Variants in SFMBT2 observed in about 807,000 individuals in gnomAD.
SFMBT2 encodes the protein scm-like with four MBT domains protein 2.
A neutral mutation model predicts 110.1 loss-of-function variants in SFMBT2; 38 were observed. The ratio of observed to expected loss-of-function variants is 0.35; its 90% CI spans 0.27 to 0.45. The LOEUF (loss-of-function observed/expected upper bound fraction) is 0.45, where lower values mean the gene tolerates loss of function less well. SFMBT2 is among the 20% of genes least tolerant of loss of function. The pLI is 1.00. For missense variants in SFMBT2, 1,011 were observed against 1,094.9 expected, an observed-to-expected ratio of 0.92 and a Z score of 1.08; for synonymous variants, 425 against 425.4, an observed-to-expected ratio of 1.00 and a Z score of 0.01.
rs957265758 is a variant in SFMBT2 at position 7,206,312 on chromosome 10, T to C, written c.1331-384A>G. 4 of 985,236 alleles carry C rather than the reference T, an allele frequency of 4.1e-6. No homozygotes were observed. In the East Asian group the frequency reaches 4.5e-4, roughly 112 times the overall value. 61.0% of individuals were successfully genotyped at this position (985,236 alleles called of 1,614,324 possible). A position where few individuals can be genotyped will look rare whatever the true frequency, so the allele number is the denominator to read the frequency against. On this transcript the variant is annotated intron_variant, in intron 11 of 20. Coordinates refer to ENST00000397167, the MANE Select transcript of SFMBT2 (RefSeq NM_001387889.1). ...AAGAACAGCTCTGGGGTTAAGGGAA[T>C]GTATCGGAGCTTGGGGTGGGACCTC...
At position 7,220,557 on chromosome 10, in the gene SFMBT2, A is replaced by G. The variant is rs1366647474; in HGVS notation, c.1204-20T>C. 1 of 1,613,552 alleles carries G rather than the reference A, an allele frequency of 6.2e-7. No homozygotes were observed. Among genetic ancestry groups the G allele is most frequent in the Non-Finnish European group, 8.5e-7 (1 of 1,179,762 alleles). On this transcript the variant is annotated intron_variant, in intron 10 of 20. Transcript: ENST00000397167. ...TGATGTCTGCAAGAGAAACGAGACCAACACTGAGCCAGTGCTGACGCAGCA... is the reference window on the plus strand; with the variant it reads ...TGATGTCTGCAAGAGAAACGAGACCGACACTGAGCCAGTGCTGACGCAGCA...
intron 7 of SFMBT2, among the ~76,000 whole-genome samples, chr10:7,257,483 T>G (rs552439227): frequency 6.6e-5 from 10 of 152,212 alleles, no homozygotes; most frequent in Non-Finnish European, 1.5e-4. Context: ...CAGCAACTCA[T>G]GTCTCTGGCA....
chr10:7,374,508 A>G (rs901223338), intron 2 of SFMBT2, among the ~76,000 whole-genome samples: 2 of 152,140 alleles, frequency 1.3e-5, no homozygotes, highest in Non-Finnish European at 2.9e-5. Context: ...AATTTTACCA[A>G]AAGTTTTGTT....
intron 11 of SFMBT2, among the ~76,000 whole-genome samples, chr10:7,210,899 A>T (rs1288546031): frequency 6.6e-6 from 1 of 152,036 alleles, no homozygotes; most frequent in Non-Finnish European, 1.5e-5. Context: ...AAATGACAGA[A>T]ATGGGATTAG....
chr10:7,369,611 C>CT (rs2132055784), intron 3 of SFMBT2, among the ~76,000 whole-genome samples: 1 of 152,282 alleles, frequency 6.6e-6, no homozygotes, highest in Non-Finnish European at 1.5e-5. Flanking sequence ...TTCCTCTAAT[C>CT]TGACTCATCT....
At chr10:7,233,347 C>T (rs1198070328) in intron 9 of SFMBT2, among the ~76,000 whole-genome samples, 3 of 152,090 alleles carry the variant, frequency 2.0e-5, no homozygotes, top group South Asian at 2.1e-4. Flanking sequence ...CAGCCTGACA[C>T]CGATAACACA....
At position 7,333,809 on chromosome 10, in the gene SFMBT2, G is replaced by A. The variant is rs1444389600; in HGVS notation, c.436+33840C>T. Among the ~76,000 whole-genome samples, 7 of 118,172 alleles carry A rather than the reference G, an allele frequency of 5.9e-5. No homozygotes were observed. The South Asian group carries it at 8.7e-4, about 15-fold the overall frequency. 77.5% of individuals were successfully genotyped at this position (118,172 alleles called of 152,430 possible). ...CCCGCTTTCTCTCTCCCCCACTCCC[G>A]CTTTCTTTCCTTCCTCCCCTTCTTC... On this transcript the variant is annotated intron_variant, in intron 4 of 20. Transcript: ENST00000397167.
At chr10:7,287,918 A>T (rs1842144512) in intron 4 of SFMBT2, among the ~76,000 whole-genome samples, 1 of 152,210 alleles carries the variant, frequency 6.6e-6, no homozygotes, top group Non-Finnish European at 1.5e-5. Context: ...CAGGTTGCTA[A>T]TGATATTTTG....
At chr10:7,270,265 C>T (rs540937638) in intron 7 of SFMBT2, among the ~76,000 whole-genome samples, 2 of 152,252 alleles carry the variant, frequency 1.3e-5, no homozygotes, top group East Asian at 1.9e-4. Context: ...AAGCCAGGGC[C>T]GCCCTCTGCT....
Position 7,409,404 on chromosome 10 carries a change from A to G in SFMBT2, c.-52+1457T>C, listed in dbSNP as rs943851678. 5.3e-5 allele frequency: 4 copies of G among 75,828 alleles called. No homozygotes were observed. In the Admixed American group the frequency reaches 7.6e-4, roughly 14 times the overall value. The allele number at this position is 75,828 out of a possible 1,614,324, so 4.7% of individuals were successfully genotyped here. On this transcript the variant is annotated intron_variant, in intron 1 of 20. Coordinates refer to ENST00000397167, the MANE Select transcript of SFMBT2 (RefSeq NM_001387889.1). ...CTCCCTCTGCCCTCATGTACTTTAC[A>G]CCACGTGTCCGCAGTTTGTCACGTC...
chr10:7,401,438 CTGTT>C (rs1465254271), intron 1 of SFMBT2, among the ~76,000 whole-genome samples: 3 of 152,198 alleles, frequency 2.0e-5, no homozygotes, highest in Admixed American at 6.5e-5. Flanking sequence ...TTAACACCTC[CTGTT>C]TGTTTATAAA....
chr10:7,183,843 C>A (rs888200040), intron 16 of SFMBT2, among the ~76,000 whole-genome samples: 1 of 152,192 alleles, frequency 6.6e-6, no homozygotes, highest in Non-Finnish European at 1.5e-5. Flanking sequence ...CTCCCTTTCC[C>A]GTACTGAGTT....
chr10:7,205,455 C>T (rs1839098285), intron 12 of SFMBT2: 1 of 985,116 alleles, frequency 1.0e-6, no homozygotes, highest in Non-Finnish European at 1.2e-6. Flanking sequence ...TTAGGAGAAG[C>T]TACATGAGAA....
rs1332624464 is a variant in SFMBT2, at chr10:7,161,568, A to C, written c.*2202T>G. The stretch of plus-strand genomic sequence containing the variant: ...AGAGTTCAAAACTTGAGCTTAAAGG[A>C]GAGATGCCCGGGGCAAGCCAGCCAC... On this transcript the variant is annotated 3_prime_UTR_variant, in exon 21 of 21. Transcript: ENST00000397167. The C allele has an allele frequency of 6.6e-6, 1 of 152,204 alleles. No homozygotes were observed. The highest frequency in any genetic ancestry group is 1.5e-5 in the Non-Finnish European group (1 of 68,064). 9.4% of individuals were successfully genotyped at this position (152,204 alleles called of 1,614,324 possible). A position where few individuals can be genotyped will look rare whatever the true frequency, so the allele number is the denominator to read the frequency against.
intron 1 of SFMBT2, among the ~76,000 whole-genome samples, chr10:7,403,233 A>G (rs1217353159): frequency 6.6e-6 from 1 of 152,224 alleles, no homozygotes; most frequent in East Asian, 1.9e-4. Flanking sequence ...ACTACTAAAC[A>G]CAAACCCTAT....
chr10:7,189,571 G>C (rs931989947), intron 15 of SFMBT2, among the ~76,000 whole-genome samples: 9 of 152,226 alleles, frequency 5.9e-5, no homozygotes, highest in Admixed American at 3.3e-4. Context: ...TTCCTGGGCT[G>C]CTGCTGTTTG....
intron 7 of SFMBT2, among the ~76,000 whole-genome samples, chr10:7,265,542 T>C (rs1354086841): frequency 2.0e-5 from 3 of 152,144 alleles, no homozygotes; most frequent in Non-Finnish European, 4.4e-5. Flanking sequence ...TTGAAATTAA[T>C]TGGGAGGCCA....
chr10:7,303,095 C>G (rs1345488238), intron 4 of SFMBT2, among the ~76,000 whole-genome samples: 5 of 151,990 alleles, frequency 3.3e-5, no homozygotes, highest in African/African-American at 1.2e-4. Context: ...ATTTCATAAC[C>G]AGAATGCATT....
rs1463610803 is a variant in SFMBT2, at chr10:7,305,567, A to C, written c.437-19613T>G. On this transcript the variant is annotated intron_variant, in intron 4 of 20. Coordinates refer to ENST00000397167, the MANE Select transcript of SFMBT2 (RefSeq NM_001387889.1). ...GCACCATTATGGTAGGCATGATGCA[A>C]GGAAACAGGAAAATTGATCCCTGTC... Among the ~76,000 whole-genome samples the C allele has an allele frequency of 2.6e-5, 4 of 152,360 alleles. No homozygotes were observed. In the East Asian group the frequency reaches 7.7e-4, roughly 29 times the overall value.
Sources: allele counts gnomAD v4.1 joint callset (sites outside exome capture counted in the v4.1 genomes callset), GRCh38; gene constraint gnomAD v4.1.1; transcripts MANE v1.5; gene names NCBI Gene and HGNC (gene_info 2026-07-23, HGNC 2026-07-21).